TUBGCP3: variants seen among roughly 807,000 people sequenced by gnomAD.
TUBGCP3 encodes tubulin gamma complex component 3.
TUBGCP3 carries 50 observed loss-of-function variants against 123.1 expected under a neutral mutation model. The observed-to-expected ratio is 0.41, with a 90% CI of 0.32 to 0.51. TUBGCP3 has a LOEUF of 0.51. Ranked by LOEUF, TUBGCP3 falls within the 20% of genes least tolerant of loss-of-function variation. The probability of loss-of-function intolerance (pLI) is 0.36; values close to 1 mark genes in which losing one functional copy is unlikely to be tolerated. For missense variants in TUBGCP3, 882 were observed against 1,127.0 expected (o/e 0.78, Z 3.11); for synonymous variants, 405 against 413.9 (o/e 0.98, Z 0.26).
At chr13:112,488,257 T>C (rs1390017478) in intron 21 of TUBGCP3, among the ~76,000 whole-genome samples, 1 of 151,856 alleles carries the variant, frequency 6.6e-6, no homozygotes. Flanking sequence ...ACCCACGATG[T>C]TGGAGGGCTG....
chr13:112,509,199 G>A (rs146872740), intron 17 of TUBGCP3, among the ~76,000 whole-genome samples: 8 of 152,282 alleles, frequency 5.3e-5, no homozygotes, highest in Admixed American at 1.3e-4. Flanking sequence ...AATCACCCAC[G>A]TCTGTCAGAT....
At position 112,588,103 on chromosome 13, in the gene TUBGCP3, G is replaced by T. The variant is rs542613425; in HGVS notation, c.-123C>A. On this transcript the variant is annotated 5_prime_UTR_variant, in exon 1 of 22. Transcript: ENST00000261965. ...CCCTGCTCCTGACAGGCTAAGGCGCGGGCGCCGCCGGCCACCAGGGCGCCA... is the reference window on the plus strand; with the variant it reads ...CCCTGCTCCTGACAGGCTAAGGCGCTGGCGCCGCCGGCCACCAGGGCGCCA... 1 of 836,188 alleles carries T rather than the reference G, an allele frequency of 1.2e-6. No homozygotes were observed. The highest frequency in any genetic ancestry group is 1.6e-6 in the Non-Finnish European group (1 of 609,910). The allele number at this position is 836,188 out of a possible 1,614,324, so 51.8% of individuals were successfully genotyped here.
At chr13:112,486,484 T>G (rs1879679430) in intron 21 of TUBGCP3, among the ~76,000 whole-genome samples, 1 of 152,270 alleles carries the variant, frequency 6.6e-6, no homozygotes, top group Non-Finnish European at 1.5e-5. Context: ...TAACAGATGT[T>G]AGAACATTCT....
chr13:112,515,124 A>G (rs1875999516), intron 17 of TUBGCP3, among the ~76,000 whole-genome samples: 1 of 152,228 alleles, frequency 6.6e-6, no homozygotes, highest in Admixed American at 6.5e-5. Flanking sequence ...CTCCAACTAG[A>G]AAACAAAACT....
At chr13:112,566,667 CAAGT>C (rs1009752329) in intron 2 of TUBGCP3, among the ~76,000 whole-genome samples, 5 of 152,308 alleles carry the variant, frequency 3.3e-5, no homozygotes, top group African/African-American at 7.2e-5. Context: ...TGAAATCAAG[CAAGT>C]GACGCTCTTT....
At chr13:112,566,250 CAAA>C (rs753498105) in intron 2 of TUBGCP3, among the ~76,000 whole-genome samples, 31 of 152,190 alleles carry the variant, frequency 2.0e-4, no homozygotes, top group Non-Finnish European at 3.8e-4. Context: ...AGATGCCTCT[CAAA>C]GAAGCTGTCA....
chr13:112,507,946 A>G (rs1881414124), intron 17 of TUBGCP3, among the ~76,000 whole-genome samples: 1 of 152,198 alleles, frequency 6.6e-6, no homozygotes, highest in African/African-American at 2.4e-5. Context: ...ACACTGGGAA[A>G]TAAAAATGCT....
Position 112,489,698 on chromosome 13 carries a change from C to A in TUBGCP3, c.2449-1G>T. 6.2e-7 allele frequency: 1 copy of A among 1,611,908 alleles called. No homozygotes were observed. Among genetic ancestry groups the A allele is most frequent in the Non-Finnish European group, 8.5e-7 (1 of 1,177,940 alleles). ...CTGCTGCCGTCACTCCCCACTGGCC[C>A]TGAACAATCAAAAGTACCAAATGTC... is the stretch of plus-strand genomic sequence containing the variant. On this transcript the variant is annotated splice_acceptor_variant, in intron 20 of 21. Coordinates refer to ENST00000261965, the MANE Select transcript of TUBGCP3 (RefSeq NM_006322.6). LOFTEE classifies it high-confidence loss of function.
chr13:112,531,764 T>C (rs1364986572), intron 11 of TUBGCP3, among the ~76,000 whole-genome samples: 2 of 152,102 alleles, frequency 1.3e-5, no homozygotes, highest in Non-Finnish European at 2.9e-5. Context: ...AGCACACAGC[T>C]TGGGTACGCT....
chr13:112,558,050 G>A, intron 5 of TUBGCP3, 146 bp downstream of exon 5: 3 of 802,578 alleles, frequency 3.7e-6, no homozygotes, highest in Non-Finnish European at 5.6e-6. Flanking sequence ...CAGAGATGGA[G>A]TGCATCGGAC....
the TUBGCP3 span, among the ~76,000 whole-genome samples, chr13:112,598,945 C>CAA: frequency 3.8e-4 from 27 of 71,506 alleles, 1 homozygote; most frequent in East Asian, 8.3e-4. Context: ...GACTCCGTCT[C>CAA]AAAAAAAAAA....
chr13:112,560,345 G>T (rs1439775035), intron 3 of TUBGCP3, among the ~76,000 whole-genome samples: 1 of 150,902 alleles, frequency 6.6e-6, no homozygotes, highest in African/African-American at 2.4e-5. Flanking sequence ...CAGGAGAATG[G>T]CGTGAACCCG....
chr13:112,574,761 GATGAA>G (rs1881679767), intron 1 of TUBGCP3, among the ~76,000 whole-genome samples: 1 of 152,204 alleles, frequency 6.6e-6, no homozygotes, highest in African/African-American at 2.4e-5. Flanking sequence ...GTATGAAACT[GATGAA>G]TCAAAGGAAA....
At chr13:112,534,005 C>T (rs945804832) in intron 11 of TUBGCP3, among the ~76,000 whole-genome samples, 2 of 152,094 alleles carry the variant, frequency 1.3e-5, no homozygotes, top group African/African-American at 4.8e-5. Context: ...GGAGCCTGCA[C>T]TACTGCACAG....
intron 11 of TUBGCP3, among the ~76,000 whole-genome samples, chr13:112,541,326 G>A (rs1266032603): frequency 6.6e-6 from 1 of 152,094 alleles, no homozygotes; most frequent in Non-Finnish European, 1.5e-5. Flanking sequence ...TGGATCACCT[G>A]AGGTCAGGAG....
At chr13:112,594,689 T>A in the TUBGCP3 span, among the ~76,000 whole-genome samples, 7 of 152,356 alleles carry the variant, frequency 4.6e-5, no homozygotes, top group Admixed American at 4.6e-4. Context: ...TCTTTTCTAA[T>A]GTAAACATTT....
chr13:112,541,312 C>T (rs957126440), intron 11 of TUBGCP3, among the ~76,000 whole-genome samples: 13 of 152,146 alleles, frequency 8.5e-5, no homozygotes, highest in Non-Finnish European at 1.5e-4. Flanking sequence ...GAGGCCGAGG[C>T]GGGTGGATCA....
At chr13:112,596,561 A>C in the TUBGCP3 span, among the ~76,000 whole-genome samples, 1 of 152,212 alleles carries the variant, frequency 6.6e-6, no homozygotes, top group South Asian at 2.1e-4. Flanking sequence ...GAGTTTGACT[A>C]TGAAATGTCT....
intron 1 of TUBGCP3, among the ~76,000 whole-genome samples, chr13:112,578,462 G>A (rs1185333581): frequency 4.0e-5 from 6 of 148,518 alleles, no homozygotes; most frequent in Non-Finnish European, 8.9e-5. Context: ...GGGAGGCTGA[G>A]GCAGGAGAAT....
Sources: gnomAD v4.1 joint callset for allele counts (sites outside exome capture counted in the v4.1 genomes callset) on GRCh38, gnomAD v4.1.1 for gene constraint, MANE v1.5 for transcripts, NCBI Gene and HGNC (gene_info 2026-07-23, HGNC 2026-07-21) for gene names.